The following CSMD1 variants were observed in gnomAD, a reference collection of about 807,000 sequenced individuals.
The protein encoded by CSMD1 is CUB and sushi domain-containing protein 1.
A neutral mutation model predicts 417.5 loss-of-function variants in CSMD1; 213 were observed. The ratio of observed to expected loss-of-function variants is 0.51; its 90% CI spans 0.46 to 0.57. The LOEUF (loss-of-function observed/expected upper bound fraction) is 0.57. CSMD1 is among the 20% of genes least tolerant of loss of function. The pLI is 0.00. For missense variants in CSMD1, 6,923 were observed against 4,529.7 expected, an observed-to-expected ratio of 1.53 and a Z score of -15.17; for synonymous variants, 2,862 against 1,736.8, an observed-to-expected ratio of 1.65 and a Z score of -16.11.
At chr8:3,976,564 G>C (rs1255433957) in intron 5 of CSMD1, among the ~76,000 whole-genome samples, 2 of 152,096 alleles carry the variant, frequency 1.3e-5, no homozygotes, top group African/African-American at 4.8e-5. Context: ...TGTCTTCTCA[G>C]CAATTAAGAC....
chr8:3,319,138 T>C (rs1432123476), intron 23 of CSMD1, among the ~76,000 whole-genome samples: 2 of 152,162 alleles, frequency 1.3e-5, no homozygotes, highest in Non-Finnish European at 2.9e-5. Flanking sequence ...ACTTCCTTGC[T>C]GAAAAGGCCT....
At chr8:4,858,331 A>G (rs991634181) in intron 1 of CSMD1, among the ~76,000 whole-genome samples, 7 of 151,806 alleles carry the variant, frequency 4.6e-5, no homozygotes, top group Non-Finnish European at 7.4e-5. Context: ...AAAAACTGGA[A>G]GCATTCCCTT....
chr8:3,211,496 A>G (rs1797604074), intron 30 of CSMD1, among the ~76,000 whole-genome samples: 1 of 152,194 alleles, frequency 6.6e-6, no homozygotes, highest in Admixed American at 6.5e-5. Context: ...AAAGGGTTTG[A>G]GGTCATTGCC....
intron 5 of CSMD1, among the ~76,000 whole-genome samples, chr8:3,942,290 G>A (rs1055057203): frequency 6.6e-6 from 1 of 152,094 alleles, no homozygotes; most frequent in Non-Finnish European, 1.5e-5. Flanking sequence ...GAATCATCCT[G>A]AAACCAATCC....
rs148729507 is a variant in CSMD1, at chr8:3,762,551, C to T, written c.819-8509G>A. ...TGACTCAGCGAGTCTGTAGCACAGGCGTGTAACTCCATTTGGTATCACAGC... is the reference window on the plus strand; with the variant it reads ...TGACTCAGCGAGTCTGTAGCACAGGTGTGTAACTCCATTTGGTATCACAGC... On this transcript the variant is annotated intron_variant, in intron 5 of 69. Transcript: ENST00000635120. Among the ~76,000 whole-genome samples, 358 of 152,342 alleles carry T rather than the reference C, an allele frequency of 2.3e-3. 2 individuals are homozygous for T. The highest frequency in any genetic ancestry group is 3.8e-3 in the Non-Finnish European group (259 of 68,040).
intron 10 of CSMD1, among the ~76,000 whole-genome samples, chr8:3,543,461 A>C (rs1053029620): frequency 1.3e-5 from 2 of 152,184 alleles, no homozygotes; most frequent in Admixed American, 6.5e-5. Flanking sequence ...GATTTGCAAT[A>C]ATCTAGGCAA....
At chr8:3,939,516 G>T (rs568345857) in intron 5 of CSMD1, among the ~76,000 whole-genome samples, 2 of 152,036 alleles carry the variant, frequency 1.3e-5, no homozygotes, top group South Asian at 2.1e-4. Flanking sequence ...GATTCATTTG[G>T]TATCTACTCA....
At chr8:4,428,621 A>G (rs142837733) in intron 2 of CSMD1, among the ~76,000 whole-genome samples, 117 of 152,298 alleles carry the variant, frequency 7.7e-4, no homozygotes, top group African/African-American at 2.6e-3. Flanking sequence ...AAGTTCCTTT[A>G]GGAAACACGG....
intron 3 of CSMD1, among the ~76,000 whole-genome samples, chr8:4,227,704 G>C (rs1463605998): frequency 2.6e-5 from 4 of 151,648 alleles, no homozygotes; most frequent in African/African-American, 9.7e-5. Flanking sequence ...CCCACACCTG[G>C]AGACACACCC....
intron 3 of CSMD1, among the ~76,000 whole-genome samples, chr8:4,235,632 G>A (rs1470530266): frequency 1.3e-5 from 2 of 152,150 alleles, no homozygotes; most frequent in African/African-American, 2.4e-5. Flanking sequence ...TCAACTTACT[G>A]AGGACCTGAA....
chr8:4,869,774 A>G (rs1233856231), intron 1 of CSMD1, among the ~76,000 whole-genome samples: 1 of 152,058 alleles, frequency 6.6e-6, no homozygotes, highest in Non-Finnish European at 1.5e-5. Flanking sequence ...AACACATTCT[A>G]CTTACACATC....
intron 50 of CSMD1, among the ~76,000 whole-genome samples, chr8:3,037,372 A>ATT (rs370080297): frequency 7.2e-6 from 1 of 139,240 alleles, no homozygotes; most frequent in Admixed American, 7.2e-5. Context: ...AGCCCAGCTA[A>ATT]TTTTTTTTTG....
chr8:3,490,708 TATC>T, intron 11 of CSMD1, among the ~76,000 whole-genome samples: 1 of 152,290 alleles, frequency 6.6e-6, no homozygotes, highest in African/African-American at 2.4e-5. Context: ...CCAGAAACTC[TATC>T]TTTGACTTGC....
chr8:3,425,017 T>G (rs1180876837), intron 12 of CSMD1, among the ~76,000 whole-genome samples: 2 of 152,110 alleles, frequency 1.3e-5, no homozygotes, highest in Non-Finnish European at 2.9e-5. Flanking sequence ...TTATTTTACT[T>G]TTGTAGAGAC....
intron 1 of CSMD1, among the ~76,000 whole-genome samples, chr8:4,970,243 G>T (rs1165608450): frequency 6.6e-6 from 1 of 152,114 alleles, no homozygotes; most frequent in East Asian, 1.9e-4. Flanking sequence ...TTTGGGAGCT[G>T]AGTAAGTTGT....
intron 3 of CSMD1, among the ~76,000 whole-genome samples, chr8:4,363,772 A>T (rs966425242): frequency 1.3e-5 from 2 of 152,058 alleles, no homozygotes; most frequent in Non-Finnish European, 2.9e-5. Flanking sequence ...GCTGAATAGT[A>T]CTCCACTATG....
In CSMD1 at chr8:3,084,689, C is replaced by G. The variant is rs185023467; in HGVS notation, c.7474+2408G>C. Reference sequence around the variant, plus strand: ...CCTTTAACAATTCTTTAAGCATAAGCAAAAACTGTTGGGGCATAAATTGCC... The same window carrying G: ...CCTTTAACAATTCTTTAAGCATAAGGAAAAACTGTTGGGGCATAAATTGCC... On this transcript the variant is annotated intron_variant, in intron 49 of 69. Coordinates refer to ENST00000635120, the MANE Select transcript of CSMD1 (RefSeq NM_033225.6). Among the ~76,000 whole-genome samples the G allele has an allele frequency of 2.4e-4, 37 of 152,088 alleles. No homozygotes were observed. The Middle Eastern group carries it at 0.021, about 84-fold the overall frequency.
intron 1 of CSMD1, among the ~76,000 whole-genome samples, chr8:4,919,403 A>G (rs979046365): frequency 7.2e-5 from 11 of 152,218 alleles, no homozygotes; most frequent in Non-Finnish European, 1.5e-4. Flanking sequence ...TTCATTAGAA[A>G]TATGACCAAA....
intron 3 of CSMD1, among the ~76,000 whole-genome samples, chr8:4,270,197 C>T (rs985269948): frequency 1.3e-5 from 2 of 152,120 alleles, no homozygotes; most frequent in South Asian, 2.1e-4. Context: ...TTGACATAGC[C>T]GCGTGTTTCC....
Sources: allele counts gnomAD v4.1 joint callset (sites outside exome capture counted in the v4.1 genomes callset), GRCh38; gene constraint gnomAD v4.1.1; transcripts MANE v1.5; gene names NCBI Gene and HGNC (gene_info 2026-07-23, HGNC 2026-07-21).